TSFM: variants seen among roughly 807,000 people sequenced by gnomAD.
TSFM encodes Ts translation elongation factor, mitochondrial, also known as elongation factor Ts, mitochondrial.
TSFM carries 29 observed loss-of-function variants against 33.4 expected under a neutral mutation model. The observed-to-expected ratio is 0.87, with a 90% CI of 0.65 to 1.18. The LOEUF (loss-of-function observed/expected upper bound fraction) is 1.18, where lower values mean the gene tolerates loss of function less well. Ranked by LOEUF, TSFM falls within the 50% of genes most tolerant of loss-of-function variation. TSFM has a pLI of 0.00. For synonymous variants in TSFM, 178 were observed against 163.5 expected (o/e 1.09, Z -0.68); for missense variants, 394 against 395.6 (o/e 1.00, Z 0.04).
intron 5 of TSFM, among the ~76,000 whole-genome samples, chr12:57,793,776 T>C (rs943916821): frequency 1.3e-5 from 2 of 152,222 alleles, no homozygotes; most frequent in African/African-American, 4.8e-5. Flanking sequence ...AGCTGAGTAC[T>C]TGAGTATATG....
chr12:57,785,179 G>T (rs1485411991), intron 2 of TSFM, among the ~76,000 whole-genome samples: 1 of 152,060 alleles, frequency 6.6e-6, no homozygotes, highest in Admixed American at 6.5e-5. Flanking sequence ...GCCCACCTCA[G>T]CCTCCCAAAG....
chr12:57,796,152 T>C, intron 5 of TSFM, 25 bp from the exon 6 acceptor site: 4 of 1,550,912 alleles, frequency 2.6e-6, no homozygotes, highest in Middle Eastern at 1.7e-4. Context: ...GTTGGTGTGT[T>C]GGTTTTTTGT....
downstream of TSFM, chr12:57,802,370 A>G (rs985687110): frequency 6.3e-7 from 1 of 1,590,524 alleles, no homozygotes; most frequent in East Asian, 2.3e-5. Context: ...GAGATTTAAT[A>G]TATGTTACTG....
intron 5 of TSFM, among the ~76,000 whole-genome samples, chr12:57,795,429 A>C (rs1955721175): frequency 1.3e-5 from 2 of 152,044 alleles, no homozygotes; most frequent in African/African-American, 2.4e-5. Flanking sequence ...ATTTCTCCCC[A>C]AAACCCTGAA....
At chr12:57,802,353 T>C (rs1362331556), downstream of TSFM, 1 of 1,605,720 alleles carries the variant, frequency 6.2e-7, no homozygotes, top group Non-Finnish European at 8.5e-7. Flanking sequence ...GAACACCTGT[T>C]AAGGTGGAGA....
chr12:57,782,827 T>G lies in TSFM; in HGVS notation c.26T>G (p.Val9Gly), dbSNP rs1412270363. The change falls in exon 1 of 6, where the codon GTG (valine) becomes GGG (glycine). Residue 9 changes from valine (V) to glycine (G), a missense_variant. Around this residue, in one of 3 missense-constraint regions of TSFM, gnomAD observed 208 missense variants for 180.4 expected, o/e 1.15. Transcript: ENST00000652027. The part of the protein sequence containing the change: MSLLRSLR[V>G]FLVARTGSYP... ...ATGTCGCTGCTGCGGTCGCTGCGCGTGTTTCTGGTCGCGCGGACCGGGAGC... is the reference window on the plus strand; with the variant it reads ...ATGTCGCTGCTGCGGTCGCTGCGCGGGTTTCTGGTCGCGCGGACCGGGAGC... 6.3e-7 allele frequency: 1 copy of G among 1,596,290 alleles called. No individual in the cohort carries two copies. The highest frequency in any genetic ancestry group is 8.5e-7 in the Non-Finnish European group (1 of 1,172,362).
At chr12:57,783,687 G>C (rs564014166) in intron 2 of TSFM, 2 of 578,436 alleles carry the variant, frequency 3.5e-6, no homozygotes, top group Non-Finnish European at 3.2e-6. Flanking sequence ...TCCGCCTCCC[G>C]GGTTCAAGCG....
chr12:57,793,039 A>G lies in TSFM; in HGVS notation c.537A>G (p.Glu179=), dbSNP rs941205327. ...GACTTCCAGCTGGGCCTGACAGAGA[A>G]GGCTCACTCAAGGATCAGTTGGCTT... is the stretch of plus-strand genomic sequence containing the variant. ...LSGLPAGPDR[E]GSLKDQLALA... is the part of the protein sequence containing the mutation. Residue 179 remains glutamate (E), a synonymous_variant, in exon 5 of 6, where the codon GAA becomes GAG. Coordinates refer to ENST00000652027, the MANE Select transcript of TSFM (RefSeq NM_005726.6). The G allele has an allele frequency of 6.2e-7, 1 of 1,613,792 alleles. No homozygotes were observed. Among genetic ancestry groups the G allele is most frequent in the South Asian group, 1.1e-5 (1 of 91,060 alleles).
rs755773165 is a variant in TSFM at position 57,782,823 on chromosome 12, C to T, written c.22C>T (p.Arg8Cys). ...AGAGATGTCGCTGCTGCGGTCGCTGCGCGTGTTTCTGGTCGCGCGGACCGG... is the reference window on the plus strand; with the variant it reads ...AGAGATGTCGCTGCTGCGGTCGCTGTGCGTGTTTCTGGTCGCGCGGACCGG... The part of the protein sequence containing the change: MSLLRSL[R>C]VFLVARTGSY... Residue 8 changes from arginine to cysteine, a missense_variant, in exon 1 of 6, where the codon CGC becomes TGC. By Grantham distance (180) the Arg-to-Cys change is radical (BLOSUM62 -3). Transcript: ENST00000652027. The T allele has an allele frequency of 2.0e-5, 32 of 1,595,136 alleles. No homozygotes were observed. In the East Asian group the frequency reaches 6.4e-4, roughly 32 times the overall value.
chr12:57,799,747 T>A, downstream of TSFM: 6 of 1,610,144 alleles, frequency 3.7e-6, no homozygotes, highest in Non-Finnish European at 5.1e-6. Flanking sequence ...AGTTTTTTAC[T>A]CACGGAGAGC....
At position 57,783,150 on chromosome 12, in the gene TSFM, C is replaced by T; in HGVS notation, c.98C>T (p.Thr33Ile). ...CGTCAGTCGCCCCAGCCAAGGCACACATTTTATGCTGGGCCCCGTCTGTCT... is the reference window on the plus strand; with the variant it reads ...CGTCAGTCGCCCCAGCCAAGGCACATATTTTATGCTGGGCCCCGTCTGTCT... ...LLRQSPQPRH[T>I]FYAGPRLSAS... The change falls in exon 2 of 6, where the codon ACA (threonine) becomes ATA (isoleucine). Residue 33 changes from threonine (T) to isoleucine (I), a missense_variant. Transcript: ENST00000652027. 2 of 1,612,888 alleles carry T rather than the reference C, an allele frequency of 1.2e-6. No homozygotes were observed. Among genetic ancestry groups the T allele is most frequent in the Non-Finnish European group, 8.5e-7 (1 of 1,179,898 alleles).
Position 57,783,192 on chromosome 12 carries a change from A to G in TSFM, c.140A>G (p.Lys47Arg), listed in dbSNP as rs373659284. ...CGTCTGTCTGCCTCGGCCTCCAGCA[A>G]GGAGCTCCTCATGAAGCTGCGGCGG... ...GPRLSASASSKELLMKLRRKT... is the reference protein window; with the variant it reads ...GPRLSASASSRELLMKLRRKT... Residue 47 changes from lysine (K) to arginine (R), a missense_variant, in exon 2 of 6, where the codon AAG (lysine) becomes AGG (arginine). Around this residue, in one of 3 missense-constraint regions of TSFM, gnomAD observed 208 missense variants for 180.4 expected, o/e 1.15. Transcript: ENST00000652027. 6.2e-6 allele frequency: 10 copies of G among 1,613,630 alleles called. No homozygotes were observed. In the African/African-American group the frequency reaches 1.2e-4, roughly 19 times the overall value.
intron 4 of TSFM, among the ~76,000 whole-genome samples, chr12:57,787,365 A>G (rs752908535): frequency 6.6e-6 from 1 of 152,144 alleles, no homozygotes; most frequent in Non-Finnish European, 1.5e-5. Context: ...TGGTGCTTAT[A>G]TATTACATTT....
At chr12:57,790,664 A>ATT (rs540242909) in intron 4 of TSFM, among the ~76,000 whole-genome samples, 1 of 149,206 alleles carries the variant, frequency 6.7e-6, no homozygotes, top group African/African-American at 2.5e-5. Context: ...AGTTATTTGG[A>ATT]TTTTTTTTTT....
At chr12:57,800,113 G>T, downstream of TSFM, 1 of 726,686 alleles carries the variant, frequency 1.4e-6, no homozygotes, top group Non-Finnish European at 2.1e-6. Context: ...CAGATTTTGG[G>T]GTTGTTCTTG....
chr12:57,793,139 C>T, intron 5 of TSFM, 66 bp downstream of exon 5: 1 of 1,389,358 alleles, frequency 7.2e-7, no homozygotes, highest in Non-Finnish European at 1.0e-6. Context: ...TCTTGTTCCT[C>T]CAAATCTAGG....
At chr12:57,783,355 G>T (rs1464488437) in intron 2 of TSFM, 72 bp downstream of exon 2, 2 of 1,582,996 alleles carry the variant, frequency 1.3e-6, no homozygotes, top group Non-Finnish European at 1.7e-6. Context: ...TCACGCTGGG[G>T]AGCATAAAGT....
At chr12:57,783,910 C>G (rs1202353259) in intron 2 of TSFM, 1 of 701,652 alleles carries the variant, frequency 1.4e-6, no homozygotes, top group Non-Finnish European at 2.6e-6. Context: ...GCCACCGCGC[C>G]CGGCTGACTT....
chr12:57,794,781 A>G (rs1048431388), intron 5 of TSFM, among the ~76,000 whole-genome samples: 1 of 152,118 alleles, frequency 6.6e-6, no homozygotes, highest in African/African-American at 2.4e-5. Flanking sequence ...TATTTTTGAG[A>G]CGGAGTCTTG....
Sources: allele counts gnomAD v4.1 joint callset (sites outside exome capture counted in the v4.1 genomes callset), GRCh38; gene constraint gnomAD v4.1.1; regional missense constraint gnomAD v4.1.1; transcripts MANE v1.5; gene names NCBI Gene and HGNC (gene_info 2026-07-23, HGNC 2026-07-21).